Variants in PID1 observed in about 807,000 individuals in gnomAD.
PID1 encodes PTB-containing, cubilin and LRP1-interacting protein.
Under a neutral mutation model 19.1 loss-of-function variants are expected in PID1, and 10 were observed. That is an observed-to-expected ratio of 0.52 (90% CI 0.32 to 0.89). PID1 has a LOEUF of 0.89. PID1 is among the 40% of genes least tolerant of loss of function. PID1 has a pLI of 0.03. For synonymous variants in PID1, 130 were observed against 116.0 expected (o/e 1.12, Z -0.78); for missense variants, 248 against 285.3 (o/e 0.87, Z 0.94).
intron 2 of PID1, among the ~76,000 whole-genome samples, chr2:229,047,130 C>T (rs1693898486): frequency 6.6e-6 from 1 of 152,240 alleles, no homozygotes; most frequent in Non-Finnish European, 1.5e-5. Flanking sequence ...TGCCGCTGCT[C>T]ATGCATTTCG....
At chr2:229,151,322 T>G (rs1277372660) in intron 2 of PID1, among the ~76,000 whole-genome samples, 1 of 152,054 alleles carries the variant, frequency 6.6e-6, no homozygotes, top group Non-Finnish European at 1.5e-5. Context: ...AATGCTGCAG[T>G]TCAAATCCAG....
At chr2:229,182,819 C>T (rs1259557785) in intron 1 of PID1, among the ~76,000 whole-genome samples, 17 of 152,186 alleles carry the variant, frequency 1.1e-4, no homozygotes. Context: ...CATGACCAAG[C>T]TGGCTGTTAA....
intron 2 of PID1, among the ~76,000 whole-genome samples, chr2:229,139,155 G>GCAAGCAAGCAAGCA (rs1559252004): frequency 5.3e-5 from 6 of 112,780 alleles, no homozygotes; most frequent in African/African-American, 1.0e-4. Context: ...GAAAGCAAGC[G>GCAAGCAAGCAAGCA]AGCGAGCAAG....
intron 2 of PID1, among the ~76,000 whole-genome samples, chr2:229,150,127 A>G (rs959526289): frequency 2.0e-5 from 3 of 151,790 alleles, no homozygotes; most frequent in African/African-American, 7.2e-5. Context: ...TAAGCTACTC[A>G]GGAGGCTGAA....
rs376790431 is a variant in PID1, at chr2:229,186,727, T to A, written c.31-30763A>T. ...GACCTCTGACATGCCCTGGAGACAT[T>A]TTCCCCATTGTCTTGGGGACTAACT... On this transcript the variant is annotated intron_variant, in intron 1 of 2. Coordinates refer to ENST00000392055, the MANE Select transcript of PID1 (RefSeq NM_001100818.2). Among the ~76,000 whole-genome samples, 22 of 152,326 alleles carry A rather than the reference T, an allele frequency of 1.4e-4. No individual in the cohort carries two copies. In the East Asian group the frequency reaches 2.5e-3, roughly 17 times the overall value.
chr2:229,104,916 T>C (rs1443200848), intron 2 of PID1, among the ~76,000 whole-genome samples: 5 of 152,212 alleles, frequency 3.3e-5, no homozygotes, highest in South Asian at 2.1e-4. Context: ...CCCAACTCTT[T>C]ATAGGCCTGA....
At chr2:229,235,371 G>A (rs925391139) in intron 1 of PID1, among the ~76,000 whole-genome samples, 5 of 152,202 alleles carry the variant, frequency 3.3e-5, no homozygotes. Flanking sequence ...CAAAACAGCA[G>A]GAAGAGTCTG....
At chr2:229,085,918 T>G (rs1339224551) in intron 2 of PID1, among the ~76,000 whole-genome samples, 1 of 152,102 alleles carries the variant, frequency 6.6e-6, no homozygotes, top group East Asian at 1.9e-4. Context: ...GGGAAATCTG[T>G]CTATTATTAT....
chr2:229,230,411 C>T (rs1031286117), intron 1 of PID1, among the ~76,000 whole-genome samples: 2 of 152,208 alleles, frequency 1.3e-5, no homozygotes, highest in Non-Finnish European at 2.9e-5. Context: ...GTAAGTTTTG[C>T]AATATGAGCC....
chr2:229,218,293 CAAAAAAAAAAAAA>C (rs67801043), intron 1 of PID1, among the ~76,000 whole-genome samples: 1 of 67,598 alleles, frequency 1.5e-5, no homozygotes, highest in African/African-American at 5.9e-5. Flanking sequence ...GTTTCCTGAG[CAAAAAAAAAAAAA>C]AAAAAAAAAA....
chr2:229,128,995 A>G (rs147591254), intron 2 of PID1, among the ~76,000 whole-genome samples: 1 of 152,278 alleles, frequency 6.6e-6, no homozygotes, highest in East Asian at 1.9e-4. Flanking sequence ...AAAACATCTC[A>G]TGTACCCCAT....
rs146009504 is a variant in PID1, at chr2:229,242,706, C to A, written c.30+28308G>T. On this transcript the variant is annotated intron_variant, in intron 1 of 2. Coordinates refer to ENST00000392055, the MANE Select transcript of PID1 (RefSeq NM_001100818.2). ...CCCTGCTTGCAATACATTTTCTATA[C>A]CACCAACAGAATCATCTTAAAACCA... Among the ~76,000 whole-genome samples the A allele has an allele frequency of 2.2e-3, 333 of 152,234 alleles. 2 individuals are homozygous for A. Among genetic ancestry groups the A allele is most frequent in the African/African-American group, 7.7e-3 (319 of 41,532 alleles).
At chr2:229,026,155 C>G (rs1693418075) in intron 2 of PID1, 47 bp from the exon 3 acceptor site, 1 of 1,325,300 alleles carries the variant, frequency 7.5e-7, no homozygotes, top group Admixed American at 1.7e-5. Context: ...GCAGAAGGCT[C>G]TTTGTTCTGA....
At chr2:229,251,383 T>C (rs979079060) in intron 1 of PID1, among the ~76,000 whole-genome samples, 2 of 152,098 alleles carry the variant, frequency 1.3e-5, no homozygotes, top group African/African-American at 2.4e-5. Flanking sequence ...TGGTCAAGAA[T>C]TACTAATCAA....
At chr2:229,247,830 C>T (rs1384795158) in intron 1 of PID1, among the ~76,000 whole-genome samples, 1 of 152,162 alleles carries the variant, frequency 6.6e-6, no homozygotes, top group Non-Finnish European at 1.5e-5. Context: ...CTCCAACATA[C>T]CAAAACACAG....
chr2:229,192,929 C>T (rs1691293679), intron 1 of PID1, among the ~76,000 whole-genome samples: 1 of 152,174 alleles, frequency 6.6e-6, no homozygotes, highest in Non-Finnish European at 1.5e-5. Flanking sequence ...TGTCCAAGCT[C>T]CTAATTCCAT....
At chr2:229,035,379 C>T (rs987665070) in intron 2 of PID1, among the ~76,000 whole-genome samples, 10 of 152,070 alleles carry the variant, frequency 6.6e-5, no homozygotes, top group East Asian at 1.9e-4. Flanking sequence ...TGTTGGGACT[C>T]GCCAGCCCCT....
chr2:229,270,993 C>CT (rs778016453), intron 1 of PID1, 21 bp downstream of exon 1: 1 of 1,329,670 alleles, frequency 7.5e-7, no homozygotes, highest in Admixed American at 3.0e-5. Context: ...GGCTGGCCCC[C>CT]GGCTCCCGGG....
intron 2 of PID1, among the ~76,000 whole-genome samples, chr2:229,125,842 G>A (rs1017296485): frequency 1.3e-5 from 2 of 152,140 alleles, no homozygotes; most frequent in African/African-American, 4.8e-5. Context: ...GGCAGCTGGT[G>A]TACCACAGAA....
Sources: allele counts gnomAD v4.1 joint callset (sites outside exome capture counted in the v4.1 genomes callset), GRCh38; gene constraint gnomAD v4.1.1; transcripts MANE v1.5; gene names NCBI Gene and HGNC (gene_info 2026-07-23, HGNC 2026-07-21).